The following GTF2I variants were observed in gnomAD, a reference collection of about 807,000 sequenced individuals.
The protein encoded by GTF2I is general transcription factor IIi.
Under a neutral mutation model 67.6 loss-of-function variants are expected in GTF2I, and 12 were observed. The observed-to-expected ratio is 0.18, with a 90% CI of 0.11 to 0.29. The LOEUF (loss-of-function observed/expected upper bound fraction) is 0.29. Ranked by LOEUF, GTF2I falls within the 10% of genes least tolerant of loss-of-function variation. GTF2I has a pLI of 1.00. For missense variants in GTF2I, 271 were observed against 580.1 expected, an observed-to-expected ratio of 0.47 and a Z score of 5.47; for synonymous variants, 149 against 197.0, an observed-to-expected ratio of 0.76 and a Z score of 2.04.
intron 3 of GTF2I, among the ~76,000 whole-genome samples, chr7:74,696,163 G>A (rs2131316145): frequency 6.6e-6 from 1 of 150,474 alleles, no homozygotes; most frequent in African/African-American, 2.4e-5. Context: ...TGTATTTTTA[G>A]TAGAGATGGG....
chr7:74,682,371 G>C (rs1383707680), intron 1 of GTF2I, among the ~76,000 whole-genome samples: 4 of 152,154 alleles, frequency 2.6e-5, no homozygotes, highest in African/African-American at 9.7e-5. Flanking sequence ...AATTTGAAGG[G>C]CTGGGTTATG....
In GTF2I at chr7:74,663,764, C is replaced by T. The variant is rs192806057; in HGVS notation, c.-6+5696C>T. Among the ~76,000 whole-genome samples the T allele has an allele frequency of 1.8e-4, 28 of 152,258 alleles. No homozygotes were observed. In the East Asian group the frequency reaches 5.0e-3, roughly 27 times the overall value. ...GGTTAACTAAAGTGTATTGGGGCTA[C>T]CTACCTGGGGGAGCAAAACGCCTTA... On this transcript the variant is annotated intron_variant, in intron 1 of 34. Coordinates refer to ENST00000573035, the MANE Select transcript of GTF2I (RefSeq NM_032999.4).
intron 12 of GTF2I, among the ~76,000 whole-genome samples, chr7:74,720,234 G>T (rs1425548167): frequency 2.6e-5 from 4 of 152,036 alleles, no homozygotes; most frequent in African/African-American, 9.7e-5. Context: ...TGCACATCTT[G>T]GTACTTTATT....
At chr7:74,716,233 C>T (rs1466241321) in intron 10 of GTF2I, among the ~76,000 whole-genome samples, 6 of 152,032 alleles carry the variant, frequency 3.9e-5, no homozygotes, top group African/African-American at 7.2e-5. Context: ...AAAACTTCTG[C>T]TCTAGTAGGA....
At chr7:74,662,620 T>C (rs1234641512) in intron 1 of GTF2I, among the ~76,000 whole-genome samples, 1 of 142,562 alleles carries the variant, frequency 7.0e-6, no homozygotes, top group African/African-American at 2.5e-5. Flanking sequence ...CCTCCTGGGT[T>C]GAAGTGATTC....
chr7:74,668,847 C>T (rs1805208102), intron 1 of GTF2I, among the ~76,000 whole-genome samples: 1 of 152,078 alleles, frequency 6.6e-6, no homozygotes, highest in African/African-American at 2.4e-5. Flanking sequence ...GCTGAAATTA[C>T]ATATGTGAGC....
Position 74,700,586 on chromosome 7 carries a change from T to C in GTF2I, c.558-20T>C. ...TTTGCGTATTCATACGAAGTTTTGT[T>C]TTGTTTTGTTTTAATGCAGACCTTT... On this transcript the variant is annotated intron_variant, in intron 5 of 34. Coordinates refer to ENST00000573035, the MANE Select transcript of GTF2I (RefSeq NM_032999.4). The C allele has an allele frequency of 6.2e-7, 1 of 1,613,762 alleles. No individual in the cohort carries two copies. The highest frequency in any genetic ancestry group is 8.5e-7 in the Non-Finnish European group (1 of 1,179,698).
chr7:74,726,535 G>A (rs1554405695), intron 12 of GTF2I: 1 of 152,070 alleles, frequency 6.6e-6, no homozygotes, highest in African/African-American at 2.4e-5. Context: ...ATTTCACAGG[G>A]AGGTTGTCAT....
At chr7:74,691,500 G>A (rs953387725) in intron 3 of GTF2I, among the ~76,000 whole-genome samples, 18 of 152,114 alleles carry the variant, frequency 1.2e-4, no homozygotes, top group Non-Finnish European at 1.5e-4. Flanking sequence ...GGGCCACTGC[G>A]CCTGGCCAAG....
intron 11 of GTF2I, among the ~76,000 whole-genome samples, chr7:74,717,339 TTAG>T (rs1554403829): frequency 6.6e-6 from 1 of 152,184 alleles, no homozygotes; most frequent in African/African-American, 2.4e-5. Context: ...TTCTAGTCTC[TTAG>T]TAGGGTAGGA....
chr7:74,709,882 A>C (rs1284246208), intron 8 of GTF2I, among the ~76,000 whole-genome samples: 4 of 152,022 alleles, frequency 2.6e-5, no homozygotes, highest in African/African-American at 4.8e-5. Context: ...CATGTTGGCC[A>C]GGCTGGTCTC....
intron 17 of GTF2I, 141 bp downstream of exon 17, chr7:74,735,673 T>G: frequency 2.0e-6 from 1 of 506,318 alleles, no homozygotes; most frequent in South Asian, 1.9e-5. Flanking sequence ...TTTTTGGGTT[T>G]TTTTTTTTTT....
chr7:74,687,462 A>T (rs770148603), intron 1 of GTF2I: 8 of 464,358 alleles, frequency 1.7e-5, no homozygotes, highest in Non-Finnish European at 2.3e-5. Flanking sequence ...ACCTCAAGAG[A>T]TCCACCCGCC....
At chr7:74,687,459 G>A in intron 1 of GTF2I, 3 of 441,216 alleles carry the variant, frequency 6.8e-6, no homozygotes, top group Non-Finnish European at 9.0e-6. Context: ...CTGACCTCAA[G>A]AGATCCACCC....
chr7:74,660,118 G>A (rs1384940936), intron 1 of GTF2I, among the ~76,000 whole-genome samples: 1 of 151,672 alleles, frequency 6.6e-6, no homozygotes, highest in African/African-American at 2.4e-5. Flanking sequence ...TGGCTGGAAT[G>A]ACATTTTTCA....
chr7:74,702,228 T>C (rs1433458244), intron 6 of GTF2I, among the ~76,000 whole-genome samples: 1 of 84,470 alleles, frequency 1.2e-5, no homozygotes, highest in African/African-American at 1.3e-4. Flanking sequence ...TACACTGAAC[T>C]TTTTTTTTTT....
At position 74,686,638 on chromosome 7, in the gene GTF2I, C is replaced by G. The variant is rs193118850; in HGVS notation, c.-5-2486C>G. On this transcript the variant is annotated intron_variant, in intron 1 of 34. Coordinates refer to ENST00000573035, the MANE Select transcript of GTF2I (RefSeq NM_032999.4). ...GCCTTTGTTGTCCATTTCGCCTAAG[C>G]CACATTTTAATGGAAATTTACTTAG... is the stretch of plus-strand genomic sequence containing the variant. 6.6e-4 allele frequency among the ~76,000 whole-genome samples: 101 copies of G among 152,206 alleles called. 2 individuals are homozygous for G. Among genetic ancestry groups the G allele is most frequent in the Non-Finnish European group, 4.0e-4 (27 of 68,010 alleles).
At chr7:74,713,257 T>G (rs1379691426) in intron 9 of GTF2I, among the ~76,000 whole-genome samples, 1 of 152,176 alleles carries the variant, frequency 6.6e-6, no homozygotes, top group Non-Finnish European at 1.5e-5. Flanking sequence ...TTTAAAGGAA[T>G]TGGTCACTAA....
At chr7:74,720,139 G>A (rs587709371) in intron 12 of GTF2I, among the ~76,000 whole-genome samples, 1 of 152,274 alleles carries the variant, frequency 6.6e-6, no homozygotes, top group South Asian at 2.1e-4. Flanking sequence ...ATATCTTGAT[G>A]CGAAAATACA....
Sources: allele counts gnomAD v4.1 joint callset (sites outside exome capture counted in the v4.1 genomes callset), GRCh38; gene constraint gnomAD v4.1.1; transcripts MANE v1.5; gene names NCBI Gene and HGNC (gene_info 2026-07-23, HGNC 2026-07-21).